OCA2: variants seen among roughly 807,000 people sequenced by gnomAD.
OCA2 encodes the protein P protein.
OCA2 carries 77 observed loss-of-function variants against 100.2 expected under a neutral mutation model. The observed-to-expected ratio is 0.77, with a 90% confidence interval of 0.64 to 0.93. The LOEUF (loss-of-function observed/expected upper bound fraction) is 0.93, where lower values mean the gene tolerates loss of function less well. Among genes scored for constraint, OCA2 ranks in the 40% least tolerant of loss-of-function variants. The probability of loss-of-function intolerance (pLI) is 0.00; values close to 1 mark genes in which losing one functional copy is unlikely to be tolerated. For missense variants in OCA2, 1,062 were observed against 1,089.1 expected (o/e 0.98, Z 0.35); for synonymous variants, 432 against 439.2 (o/e 0.98, Z 0.21).
chr15:27,974,995 G>C (rs1033432132), intron 14 of OCA2, among the ~76,000 whole-genome samples: 1 of 152,142 alleles, frequency 6.6e-6, no homozygotes, highest in African/African-American at 2.4e-5. Flanking sequence ...TCTTAAAAAG[G>C]CTCGTCATAT....
At chr15:27,910,179 C>CA (rs2038332864) in intron 19 of OCA2, among the ~76,000 whole-genome samples, 1 of 152,070 alleles carries the variant, frequency 6.6e-6, no homozygotes, top group African/African-American at 2.4e-5. Context: ...ATAAAACTGA[C>CA]AAAATGAAAA....
chr15:28,022,602 G>A (rs776752013), intron 5 of OCA2, 29 bp from the exon 6 acceptor site: 1 of 1,550,254 alleles, frequency 6.5e-7, no homozygotes, highest in East Asian at 2.2e-5. Flanking sequence ...TTGAATGACA[G>A]AGGTGTGGTA....
chr15:28,014,500 G>A (rs916414628), intron 9 of OCA2, among the ~76,000 whole-genome samples: 4 of 152,160 alleles, frequency 2.6e-5, no homozygotes, highest in East Asian at 1.9e-4. Context: ...AGTGAGCAGC[G>A]GAGAGAGAGT....
chr15:27,895,115 C>T (rs2037631603), intron 19 of OCA2, among the ~76,000 whole-genome samples: 1 of 152,170 alleles, frequency 6.6e-6, no homozygotes, highest in Non-Finnish European at 1.5e-5. Context: ...TTCCTGGGTC[C>T]TGCCTATAGG....
intron 23 of OCA2, among the ~76,000 whole-genome samples, chr15:27,782,839 G>A (rs574198650): frequency 1.2e-4 from 19 of 152,320 alleles, no homozygotes; most frequent in African/African-American, 4.3e-4. Context: ...GGGCTCTAAA[G>A]TAAATAAGAC....
At chr15:27,858,119 T>C (rs1050590535) in intron 21 of OCA2, among the ~76,000 whole-genome samples, 1 of 152,102 alleles carries the variant, frequency 6.6e-6, no homozygotes, top group East Asian at 1.9e-4. Context: ...TATCAGAAAT[T>C]ACACTAATTG....
chr15:27,938,074 G>A (rs773279139), intron 18 of OCA2, among the ~76,000 whole-genome samples: 1 of 152,190 alleles, frequency 6.6e-6, no homozygotes, highest in Non-Finnish European at 1.5e-5. Context: ...GTAAGTTATT[G>A]CTGCAATAAA....
chr15:27,847,452 C>T (rs892779897), intron 22 of OCA2, among the ~76,000 whole-genome samples: 29 of 152,132 alleles, frequency 1.9e-4, no homozygotes, highest in African/African-American at 7.0e-4. Context: ...ATGGCATAGG[C>T]TCCTACACAG....
chr15:27,860,690 C>A (rs60038283), intron 21 of OCA2, among the ~76,000 whole-genome samples: 5,189 of 152,252 alleles, frequency 0.034, 291 homozygotes, highest in African/African-American at 0.12. Flanking sequence ...TTTCTTTATT[C>A]AATCCACCAC....
chr15:28,029,748 T>A (rs969139332), intron 3 of OCA2, among the ~76,000 whole-genome samples: 1 of 150,696 alleles, frequency 6.6e-6, no homozygotes, highest in Non-Finnish European at 1.5e-5. Context: ...TCAATGGATA[T>A]TATCCTAATA....
intron 19 of OCA2, among the ~76,000 whole-genome samples, chr15:27,904,667 G>A (rs2038099996): frequency 6.6e-6 from 1 of 152,080 alleles, no homozygotes; most frequent in African/African-American, 2.4e-5. Flanking sequence ...CAACTCCTGG[G>A]GATACTCCAG....
intron 2 of OCA2, 43 bp from the exon 3 acceptor site, chr15:28,032,206 T>C (rs372042105): frequency 7.6e-5 from 105 of 1,378,670 alleles, no homozygotes; most frequent in Non-Finnish European, 1.0e-4. Flanking sequence ...AACACAGAAA[T>C]AATGTATGTG....
In OCA2 at chr15:27,853,762, G is replaced by A. The variant is rs183087572; in HGVS notation, c.2245-2287C>T. 2.7e-4 allele frequency among the ~76,000 whole-genome samples: 41 copies of A among 152,012 alleles called. 1 individual carries two copies. Among genetic ancestry groups the A allele is most frequent in the African/African-American group, 7.5e-4 (31 of 41,486 alleles). The stretch of plus-strand genomic sequence containing the variant: ...ACAGGGTGTGAAGGAGAGACCCCTG[G>A]GCCCGCCATCCCGGGCAGTTGCGTA... On this transcript the variant is annotated intron_variant, in intron 21 of 23. Transcript: ENST00000354638.
chr15:28,009,519 C>T (rs1184346071), intron 9 of OCA2, among the ~76,000 whole-genome samples: 2 of 152,108 alleles, frequency 1.3e-5, no homozygotes, highest in Admixed American at 6.5e-5. Flanking sequence ...AAAAGCCCGT[C>T]TCTACTAAAA....
At position 27,832,657 on chromosome 15, in the gene OCA2, C is replaced by T. The variant is rs370720869; in HGVS notation, c.2432+12302G>A. Among the ~76,000 whole-genome samples the T allele has an allele frequency of 3.9e-5, 6 of 152,144 alleles. No individual in the cohort carries two copies. In the East Asian group the frequency reaches 9.6e-4, roughly 24 times the overall value. On this transcript the variant is annotated intron_variant, in intron 23 of 23. Transcript: ENST00000354638. Reference sequence around the variant, plus strand: ...TCTACGTTTAGCTGTGTTTGCTGCTCCTCCCTGGTGAGTCTCCAAGTTCAG... The same window carrying T: ...TCTACGTTTAGCTGTGTTTGCTGCTTCTCCCTGGTGAGTCTCCAAGTTCAG...
chr15:28,085,287 C>T (rs1321887710), intron 1 of OCA2, among the ~76,000 whole-genome samples: 1 of 152,150 alleles, frequency 6.6e-6, no homozygotes, highest in Non-Finnish European at 1.5e-5. Flanking sequence ...CCAGCTGCTG[C>T]CTCTGCCTCT....
At chr15:27,723,873 A>G in the OCA2 span, among the ~76,000 whole-genome samples, 12 of 152,210 alleles carry the variant, frequency 7.9e-5, no homozygotes, top group Non-Finnish European at 1.8e-4. Context: ...GTTTATAACC[A>G]AAACCAGGAC....
intron 23 of OCA2, among the ~76,000 whole-genome samples, chr15:27,756,539 G>C (rs1344613593): frequency 1.3e-5 from 2 of 152,198 alleles, no homozygotes; most frequent in Non-Finnish European, 2.9e-5. Context: ...TAAATTTCTT[G>C]AACTTTATCA....
chr15:28,074,978 C>G (rs969518164), intron 2 of OCA2, among the ~76,000 whole-genome samples: 5 of 152,130 alleles, frequency 3.3e-5, no homozygotes, highest in African/African-American at 1.2e-4. Flanking sequence ...CATCTATAAG[C>G]AAAATATAAA....
Sources: gnomAD v4.1 joint callset for allele counts (sites outside exome capture counted in the v4.1 genomes callset) on GRCh38, gnomAD v4.1.1 for gene constraint, MANE v1.5 for transcripts, NCBI Gene and HGNC (gene_info 2026-07-23, HGNC 2026-07-21) for gene names.